ENTPD3: variants seen among roughly 807,000 people sequenced by gnomAD.
The protein encoded by ENTPD3 is CD39 antigen-like 3.
Under a neutral mutation model 51.2 loss-of-function variants are expected in ENTPD3, and 60 were observed. The observed-to-expected ratio is 1.17, with a 90% CI of 0.95 to 1.45. The LOEUF (loss-of-function observed/expected upper bound fraction) is 1.45, where lower values mean the gene tolerates loss of function less well. Among genes scored for constraint, ENTPD3 ranks in the 40% most tolerant of loss-of-function variants. The pLI, the probability that ENTPD3 is intolerant of heterozygous loss-of-function variation, is 0.00. For missense variants in ENTPD3, 593 were observed against 641.1 expected (o/e 0.93, Z 0.81); for synonymous variants, 221 against 238.4 (o/e 0.93, Z 0.67).
intron 3 of ENTPD3, among the ~76,000 whole-genome samples, chr3:40,398,946 C>G (rs1055049448): frequency 6.6e-6 from 1 of 152,098 alleles, no homozygotes; most frequent in African/African-American, 2.4e-5. Context: ...TGGCCAGATG[C>G]GGTAGCTCAT....
chr3:40,388,126 T>C (rs754506102), intron 2 of ENTPD3, 29 bp downstream of exon 2: 1 of 1,613,242 alleles, frequency 6.2e-7, no homozygotes, highest in Admixed American at 1.7e-5. Flanking sequence ...GTAGCAAGCG[T>C]GGTTTTGCCA....
intron 7 of ENTPD3, among the ~76,000 whole-genome samples, chr3:40,420,336 C>T (rs188462015): frequency 2.2e-3 from 328 of 151,114 alleles, no homozygotes; most frequent in Non-Finnish European, 3.2e-3. Flanking sequence ...CTCGGGTTCA[C>T]GCCATTCTCC....
chr3:40,411,465 A>C (rs926012045), intron 4 of ENTPD3, among the ~76,000 whole-genome samples: 12 of 152,154 alleles, frequency 7.9e-5, no homozygotes, highest in Non-Finnish European at 1.6e-4. Flanking sequence ...AAGCAAGTGG[A>C]AGATTGTATG....
intron 3 of ENTPD3, among the ~76,000 whole-genome samples, chr3:40,396,746 C>A (rs572522841): frequency 6.6e-6 from 1 of 152,266 alleles, no homozygotes; most frequent in African/African-American, 2.4e-5. Flanking sequence ...CCTCCCTACC[C>A]CTAATCATAA....
chr3:40,420,382 C>A (rs1389615054), intron 7 of ENTPD3, among the ~76,000 whole-genome samples: 2 of 151,696 alleles, frequency 1.3e-5, no homozygotes, highest in Non-Finnish European at 1.5e-5. Context: ...ACTACAGGTG[C>A]CCGCCACCAT....
chr3:40,423,562 A>G (rs534407857), intron 9 of ENTPD3, among the ~76,000 whole-genome samples, 161 bp downstream of exon 9: 1 of 152,356 alleles, frequency 6.6e-6, no homozygotes, highest in Admixed American at 6.5e-5. Context: ...TGTGGTGTGA[A>G]TTAATGTTAT....
At position 40,415,868 on chromosome 3, in the gene ENTPD3, C is replaced by T. The variant is rs780128361; in HGVS notation, c.626C>T (p.Pro209Leu). 15 of 1,613,920 alleles carry T rather than the reference C, an allele frequency of 9.3e-6. No homozygotes were observed. The highest frequency in any genetic ancestry group is 2.7e-5 in the African/African-American group (2 of 74,902). ...EKNLWHMWVH[P>L]HGVETTGALD... ...AACCTGTGGCACATGTGGGTGCACCCGCATGGAGTGGAAACCACGGGTGCC... is the reference window on the plus strand; with the variant it reads ...AACCTGTGGCACATGTGGGTGCACCTGCATGGAGTGGAAACCACGGGTGCC... Residue 209 changes from proline to leucine, a missense_variant, in exon 7 of 11, where the codon CCG becomes CTG. Physicochemically the swap from Pro to Leu is moderately conservative, Grantham distance 98. Coordinates refer to ENST00000301825, the MANE Select transcript of ENTPD3 (RefSeq NM_001248.4).
chr3:40,390,276 C>A (rs578216292), intron 2 of ENTPD3, among the ~76,000 whole-genome samples: 1 of 152,286 alleles, frequency 6.6e-6, no homozygotes, highest in East Asian at 1.9e-4. Flanking sequence ...CAGCTCACTG[C>A]AGCCTTGAGC....
intron 3 of ENTPD3, 92 bp from the exon 4 acceptor site, chr3:40,400,802 T>TCCC: frequency 2.3e-6 from 2 of 884,576 alleles, no homozygotes; most frequent in Non-Finnish European, 3.7e-6. Flanking sequence ...GCAGTGTGGA[T>TCCC]TAAGGTACTC....
At chr3:40,425,870 C>T (rs1420520758) in intron 10 of ENTPD3, among the ~76,000 whole-genome samples, 2 of 148,984 alleles carry the variant, frequency 1.3e-5, no homozygotes, top group Admixed American at 1.3e-4. Flanking sequence ...TTCACTTTAG[C>T]CTGGGCGAAA....
At position 40,406,579 on chromosome 3, in the gene ENTPD3, G is replaced by C. The variant is rs534475735; in HGVS notation, c.287-5233G>C. Among the ~76,000 whole-genome samples, 11 of 152,336 alleles carry C rather than the reference G, an allele frequency of 7.2e-5. No homozygotes were observed. In the East Asian group the frequency reaches 1.9e-3, roughly 27 times the overall value. On this transcript the variant is annotated intron_variant, in intron 4 of 10. Transcript: ENST00000301825. The stretch of plus-strand genomic sequence containing the variant: ...GTTAAGTGCTGTTAAATCAGTACGG[G>C]TGAGAGATTAGGTGATGGTCAATTT...
In ENTPD3 at chr3:40,423,550, C is replaced by A. The variant is rs1034277496; in HGVS notation, c.1215+149C>A. On this transcript the variant is annotated intron_variant, in intron 9 of 10. Transcript: ENST00000301825. Reference sequence around the variant, plus strand: ...AGGAATAAGGGAATCTACTCCCACACCTGTGGTGTGAATTAATGTTATAAC... The same window carrying A: ...AGGAATAAGGGAATCTACTCCCACAACTGTGGTGTGAATTAATGTTATAAC... 20 of 731,282 alleles carry A rather than the reference C, an allele frequency of 2.7e-5. No homozygotes were observed. In the African/African-American group the frequency reaches 3.6e-4, roughly 13 times the overall value. The allele number at this position is 731,282 out of a possible 1,614,324, so 45.3% of individuals were successfully genotyped here.
intron 4 of ENTPD3, among the ~76,000 whole-genome samples, chr3:40,408,632 C>A (rs1415606595): frequency 6.6e-6 from 1 of 152,186 alleles, no homozygotes; most frequent in African/African-American, 2.4e-5. Context: ...TGCCTGAGAG[C>A]TTAATCTCAC....
At chr3:40,419,575 T>C (rs1157397867) in intron 7 of ENTPD3, among the ~76,000 whole-genome samples, 1 of 152,192 alleles carries the variant, frequency 6.6e-6, no homozygotes, top group Non-Finnish European at 1.5e-5. Context: ...ATCACATTGA[T>C]TCATATATTA....
intron 5 of ENTPD3, among the ~76,000 whole-genome samples, chr3:40,414,313 T>G (rs1478845690): frequency 1.3e-5 from 2 of 152,236 alleles, no homozygotes; most frequent in Non-Finnish European, 2.9e-5. Context: ...AGAGATTATT[T>G]ATGCCACTCT....
At chr3:40,415,754 A>G in intron 6 of ENTPD3, 86 bp from the exon 7 acceptor site, 1 of 982,588 alleles carries the variant, frequency 1.0e-6, no homozygotes. Context: ...TCTTAGTAAT[A>G]GGAGACGAGG....
Position 40,411,933 on chromosome 3 carries a change from G to T in ENTPD3, c.408G>T (p.Leu136=). 1 of 1,611,396 alleles carries T rather than the reference G, an allele frequency of 6.2e-7. No individual in the cohort carries two copies. Among genetic ancestry groups the T allele is most frequent in the Non-Finnish European group, 8.5e-7 (1 of 1,178,926 alleles). Residue 136 remains leucine, a synonymous_variant, in exon 5 of 11, where the codon CTG becomes CTT. Coordinates refer to ENST00000301825, the MANE Select transcript of ENTPD3 (RefSeq NM_001248.4). ...TCCACGGATCCACCCCCATTCACCT[G>T]GGAGCCACGGCTGGGATGCGCTTGC... ...SHLHGSTPIH[L]GATAGMRLLR... is the part of the protein sequence containing the mutation.
chr3:40,409,824 A>T (rs954947303), intron 4 of ENTPD3, among the ~76,000 whole-genome samples: 1 of 152,324 alleles, frequency 6.6e-6, no homozygotes, highest in Non-Finnish European at 1.5e-5. Context: ...AAAGAAATGA[A>T]GAATATTTAT....
At chr3:40,389,642 T>C (rs778594344) in intron 2 of ENTPD3, among the ~76,000 whole-genome samples, 2 of 152,194 alleles carry the variant, frequency 1.3e-5, no homozygotes, top group Non-Finnish European at 2.9e-5. Flanking sequence ...GTGACCAACT[T>C]TGACACCAAG....
Sources: allele counts gnomAD v4.1 joint callset (sites outside exome capture counted in the v4.1 genomes callset), GRCh38; gene constraint gnomAD v4.1.1; transcripts MANE v1.5; gene names NCBI Gene and HGNC (gene_info 2026-07-23, HGNC 2026-07-21).